The following HEG1 variants were observed in gnomAD, a reference collection of about 807,000 sequenced individuals.
The protein encoded by HEG1 is heart development protein with EGF like domains 1.
Under a neutral mutation model 125.6 loss-of-function variants are expected in HEG1, and 56 were observed. The observed-to-expected ratio is 0.45, with a 90% CI of 0.36 to 0.56. HEG1 has a LOEUF of 0.56. HEG1 is among the 20% of genes least tolerant of loss of function. The pLI, the probability that HEG1 is intolerant of heterozygous loss-of-function variation, is 0.00. For synonymous variants in HEG1, 644 were observed against 668.5 expected (o/e 0.96, Z 0.57); for missense variants, 1,523 against 1,670.0 (o/e 0.91, Z 1.53).
intron 1 of HEG1, among the ~76,000 whole-genome samples, chr3:125,042,023 CGAT>C (rs1560035140): frequency 1.3e-5 from 2 of 152,096 alleles, no homozygotes; most frequent in East Asian, 1.9e-4. Flanking sequence ...CAGATGGTGA[CGAT>C]GATTGCAACA....
intron 1 of HEG1, among the ~76,000 whole-genome samples, chr3:125,047,958 G>C (rs896295281): frequency 6.6e-6 from 1 of 152,104 alleles, no homozygotes; most frequent in Non-Finnish European, 1.5e-5. Flanking sequence ...ACATCAAGAA[G>C]AAACTTGTCA....
rs1209556166 is a variant in HEG1 at position 124,990,757 on chromosome 3, A to G, written c.3733+30T>C. 1.9e-6 allele frequency: 3 copies of G among 1,553,988 alleles called. No homozygotes were observed. In the South Asian group the frequency reaches 3.6e-5, roughly 18 times the overall value. ...TAACAACAGGGCCAGGCCCCTGCCCACGCATAATGGTCCACTTTTGTACAC... is the reference window on the plus strand; with the variant it reads ...TAACAACAGGGCCAGGCCCCTGCCCGCGCATAATGGTCCACTTTTGTACAC... On this transcript the variant is annotated intron_variant, in intron 14 of 16. Coordinates refer to ENST00000311127, the MANE Select transcript of HEG1 (RefSeq NM_020733.2).
intron 5 of HEG1, among the ~76,000 whole-genome samples, chr3:125,017,553 T>A (rs1937269670): frequency 6.6e-6 from 1 of 152,100 alleles, no homozygotes; most frequent in Non-Finnish European, 1.5e-5. Context: ...ATGGCTATAA[T>A]CAGAAAAGAT....
At chr3:124,975,071 C>T (rs1470047698) in intron 15 of HEG1, among the ~76,000 whole-genome samples, 1 of 152,202 alleles carries the variant, frequency 6.6e-6, no homozygotes, top group East Asian at 1.9e-4. Context: ...CTAGTCTCAT[C>T]CCCTGAAGTT....
chr3:125,021,254 T>C (rs1937332236), intron 3 of HEG1, 124 bp from the exon 4 acceptor site: 4 of 704,082 alleles, frequency 5.7e-6, no homozygotes, highest in South Asian at 3.8e-5. Context: ...GGACCTAATA[T>C]AGATACAAAC....
intron 1 of HEG1, among the ~76,000 whole-genome samples, chr3:125,053,778 T>A (rs1222248679): frequency 6.6e-6 from 1 of 152,204 alleles, no homozygotes. Context: ...CTGTGAGGGA[T>A]GTTTGGGTCA....
intron 1 of HEG1, among the ~76,000 whole-genome samples, chr3:125,040,317 T>G (rs540755237): frequency 6.6e-6 from 1 of 152,190 alleles, no homozygotes; most frequent in African/African-American, 2.4e-5. Flanking sequence ...GAAGAGCCAG[T>G]GACAGAGACG....
chr3:125,020,741 T>A, intron 4 of HEG1, 51 bp downstream of exon 4: 1 of 1,497,072 alleles, frequency 6.7e-7, no homozygotes, highest in Non-Finnish European at 9.1e-7. Flanking sequence ...CTAAGAAAAT[T>A]CAATGATTTA....
At position 125,009,670 on chromosome 3, in the gene HEG1, A is replaced by G. The variant is rs761241381; in HGVS notation, c.3193+35T>C. 5 of 1,576,782 alleles carry G rather than the reference A, an allele frequency of 3.2e-6. No homozygotes were observed. In the Admixed American group the frequency reaches 7.1e-5, roughly 22 times the overall value. On this transcript the variant is annotated intron_variant, in intron 8 of 16. Coordinates refer to ENST00000311127, the MANE Select transcript of HEG1 (RefSeq NM_020733.2). ...GTTACCTTGTAAAATATATTGTGGT[A>G]CGGAATAAAGTCCGAAATAGACTAA...
At position 125,015,702 on chromosome 3, in the gene HEG1, T is replaced by A. The variant is rs139911472; in HGVS notation, c.1589-1712A>T. Among the ~76,000 whole-genome samples, 497 of 152,302 alleles carry A rather than the reference T, an allele frequency of 3.3e-3. 2 individuals are homozygous for A. The highest frequency in any genetic ancestry group is 9.6e-3 in the African/African-American group (401 of 41,566). The stretch of plus-strand genomic sequence containing the variant: ...TTAGAACTAATTTTAGATTGTTAGA[T>A]TATCAGATAAACCCTTCTCTTCAGA... On this transcript the variant is annotated intron_variant, in intron 5 of 16. Coordinates refer to ENST00000311127, the MANE Select transcript of HEG1 (RefSeq NM_020733.2).
chr3:125,006,587 A>G (rs945218728), intron 8 of HEG1, among the ~76,000 whole-genome samples: 5 of 152,196 alleles, frequency 3.3e-5, no homozygotes, highest in Admixed American at 6.5e-5. Flanking sequence ...CTTACTTAAC[A>G]TCTTTTTGCT....
intron 16 of HEG1, among the ~76,000 whole-genome samples, chr3:124,971,783 C>T (rs1936428795): frequency 7.2e-6 from 1 of 138,650 alleles, no homozygotes; most frequent in South Asian, 2.2e-4. Context: ...AGCCACTGCG[C>T]CCGGCCTTTT....
chr3:125,015,074 C>G, intron 5 of HEG1: 2 of 1,130,208 alleles, frequency 1.8e-6, no homozygotes, highest in Non-Finnish European at 1.1e-6. Context: ...GGATCGTGCC[C>G]CAAGCCTCAC....
intron 15 of HEG1, 97 bp from the exon 16 acceptor site, chr3:124,974,002 G>A (rs1936491850): frequency 5.0e-6 from 4 of 799,556 alleles, no homozygotes; most frequent in Non-Finnish European, 7.9e-6. Flanking sequence ...TCAACTGAAA[G>A]CTACCATTAT....
intron 2 of HEG1, among the ~76,000 whole-genome samples, chr3:125,028,413 C>T (rs1039415696): frequency 8.5e-5 from 13 of 152,202 alleles, no homozygotes; most frequent in African/African-American, 3.1e-4. Flanking sequence ...GATGCCCTCC[C>T]CAAGGGAGCC....
At chr3:124,994,952 T>C (rs1936893774) in intron 12 of HEG1, among the ~76,000 whole-genome samples, 1 of 152,248 alleles carries the variant, frequency 6.6e-6, no homozygotes, top group South Asian at 2.1e-4. Context: ...GACATGGTTC[T>C]AGCACTCAAG....
At chr3:124,988,746 G>A (rs767325201) in intron 14 of HEG1, among the ~76,000 whole-genome samples, 16 of 152,090 alleles carry the variant, frequency 1.1e-4, no homozygotes, top group Non-Finnish European at 2.2e-4. Context: ...GTAAAACCCC[G>A]TCTCTACTAA....
At chr3:124,986,662 G>A (rs1254360342) in intron 14 of HEG1, among the ~76,000 whole-genome samples, 2 of 152,170 alleles carry the variant, frequency 1.3e-5, no homozygotes, top group South Asian at 2.1e-4. Context: ...ATAGGCGGCC[G>A]GTTCTAAAAG....
intron 15 of HEG1, among the ~76,000 whole-genome samples, chr3:124,974,421 T>A (rs1443631021): frequency 1.3e-5 from 2 of 152,134 alleles, no homozygotes; most frequent in Non-Finnish European, 2.9e-5. Context: ...GAGACCTGAC[T>A]TGTCCTCTGG....
Sources: gnomAD v4.1 joint callset for allele counts (sites outside exome capture counted in the v4.1 genomes callset) on GRCh38, gnomAD v4.1.1 for gene constraint, MANE v1.5 for transcripts, NCBI Gene and HGNC (gene_info 2026-07-23, HGNC 2026-07-21) for gene names.